Variants in KLHL1 observed in about 807,000 individuals in gnomAD.
KLHL1 encodes the protein kelch like family member 1.
Under a neutral mutation model 77.7 loss-of-function variants are expected in KLHL1, and 47 were observed. That is an observed-to-expected ratio of 0.60 (90% CI 0.48 to 0.77). The LOEUF (loss-of-function observed/expected upper bound fraction) is 0.77. KLHL1 is among the 30% of genes least tolerant of loss of function. KLHL1 has a pLI of 0.00. For synonymous variants in KLHL1, 360 were observed against 325.2 expected, an observed-to-expected ratio of 1.11 and a Z score of -1.15; for missense variants, 925 against 910.8, an observed-to-expected ratio of 1.02 and a Z score of -0.20.
At chr13:69,837,701 T>TATAC (rs1879082894) in intron 6 of KLHL1, among the ~76,000 whole-genome samples, 1 of 146,734 alleles carries the variant, frequency 6.8e-6, no homozygotes, top group African/African-American at 2.5e-5. Context: ...CATATATATA[T>TATAC]AGATCTCATA....
intron 7 of KLHL1, among the ~76,000 whole-genome samples, chr13:69,766,990 T>C (rs574488278): frequency 1.6e-3 from 238 of 152,360 alleles, no homozygotes; most frequent in African/African-American, 5.5e-3. Context: ...ATGAACAGCA[T>C]AGACAATTTT....
chr13:69,723,454 A>G (rs183930932), intron 8 of KLHL1, among the ~76,000 whole-genome samples: 1 of 152,170 alleles, frequency 6.6e-6, no homozygotes, highest in African/African-American at 2.4e-5. Context: ...TAGAATTATT[A>G]TGTGTCAATA....
At chr13:69,902,767 A>AG (rs1377072087) in intron 4 of KLHL1, among the ~76,000 whole-genome samples, 2 of 75,782 alleles carry the variant, frequency 2.6e-5, no homozygotes, top group African/African-American at 1.0e-4. Context: ...GGGTTGGGGG[A>AG]GGGGGGAGGG....
chr13:69,982,399 C>A (rs1173698817), intron 1 of KLHL1, among the ~76,000 whole-genome samples: 3 of 148,844 alleles, frequency 2.0e-5, no homozygotes, highest in Non-Finnish European at 4.5e-5. Context: ...TTGCACAACT[C>A]CACTCCAGCC....
intron 5 of KLHL1, among the ~76,000 whole-genome samples, chr13:69,866,349 T>C (rs1176659136): frequency 1.3e-5 from 2 of 152,090 alleles, no homozygotes; most frequent in Non-Finnish European, 2.9e-5. Flanking sequence ...GACAAACTCA[T>C]AGAAATTAAA....
chr13:69,732,128 G>A (rs934138209), intron 8 of KLHL1, among the ~76,000 whole-genome samples: 4 of 152,018 alleles, frequency 2.6e-5, no homozygotes, highest in African/African-American at 9.7e-5. Context: ...AGTCTGCATC[G>A]GAGATACAAA....
intron 1 of KLHL1, among the ~76,000 whole-genome samples, chr13:70,074,366 A>T (rs916916232): frequency 6.6e-6 from 1 of 151,978 alleles, no homozygotes; most frequent in Non-Finnish European, 1.5e-5. Context: ...TGGGCTTTTC[A>T]GTTATGACAG....
At chr13:69,996,673 G>A (rs1279245472) in intron 1 of KLHL1, among the ~76,000 whole-genome samples, 1 of 151,976 alleles carries the variant, frequency 6.6e-6, no homozygotes, top group Non-Finnish European at 1.5e-5. Context: ...CATATATTTA[G>A]GAAGAACTTT....
At chr13:69,737,065 G>A (rs1873794530) in intron 8 of KLHL1, among the ~76,000 whole-genome samples, 2 of 152,308 alleles carry the variant, frequency 1.3e-5, no homozygotes, top group South Asian at 2.1e-4. Flanking sequence ...TGGAGTGAAG[G>A]TCCACCAGGA....
At chr13:69,706,233 A>C (rs921715480) in intron 10 of KLHL1, among the ~76,000 whole-genome samples, 3 of 151,834 alleles carry the variant, frequency 2.0e-5, no homozygotes, top group African/African-American at 7.2e-5. Flanking sequence ...AACAAGACTT[A>C]GATCTCTTGA....
intron 1 of KLHL1, among the ~76,000 whole-genome samples, chr13:70,053,903 A>C (rs958041246): frequency 6.6e-6 from 1 of 152,020 alleles, no homozygotes; most frequent in Admixed American, 6.6e-5. Context: ...GCGTCTACCT[A>C]CTTTCTTGCT....
chr13:70,061,642 G>C (rs752619176), intron 1 of KLHL1, among the ~76,000 whole-genome samples: 1 of 152,050 alleles, frequency 6.6e-6, no homozygotes, highest in Non-Finnish European at 1.5e-5. Flanking sequence ...TCCCCACCCT[G>C]TGAATTGGCA....
At chr13:70,095,841 A>T (rs1206214385) in intron 1 of KLHL1, among the ~76,000 whole-genome samples, 1 of 149,834 alleles carries the variant, frequency 6.7e-6, no homozygotes, top group Non-Finnish European at 1.5e-5. Context: ...CCCCCCCACC[A>T]CACTCGCTAA....
intron 10 of KLHL1, among the ~76,000 whole-genome samples, chr13:69,704,028 C>G (rs920092353): frequency 7.9e-5 from 12 of 151,590 alleles, no homozygotes; most frequent in Non-Finnish European, 1.5e-4. Flanking sequence ...TTTTTGGCAA[C>G]TTTCCCAAAG....
chr13:70,035,052 TAAATA>T (rs1347745743), intron 1 of KLHL1, among the ~76,000 whole-genome samples: 4 of 152,236 alleles, frequency 2.6e-5, no homozygotes, highest in South Asian at 2.1e-4. Flanking sequence ...GCATCATAAC[TAAATA>T]AAATAACATT....
intron 7 of KLHL1, among the ~76,000 whole-genome samples, chr13:69,746,804 T>C (rs1205309653): frequency 2.0e-5 from 3 of 151,944 alleles, no homozygotes; most frequent in African/African-American, 4.8e-5. Flanking sequence ...TTACTAATAA[T>C]AGCAAGGAAA....
At chr13:69,957,808 C>T (rs1201505586) in intron 3 of KLHL1, among the ~76,000 whole-genome samples, 1 of 151,576 alleles carries the variant, frequency 6.6e-6, no homozygotes, top group Non-Finnish European at 1.5e-5. Flanking sequence ...GAAGAAAACC[C>T]AATTGAAAGT....
intron 1 of KLHL1, among the ~76,000 whole-genome samples, chr13:70,100,131 A>T (rs530845407): frequency 2.6e-5 from 4 of 152,186 alleles, no homozygotes; most frequent in African/African-American, 9.6e-5. Flanking sequence ...CAACTGGAGA[A>T]GAATTAACCA....
intron 8 of KLHL1, among the ~76,000 whole-genome samples, chr13:69,739,168 G>A (rs1476316535): frequency 5.9e-5 from 9 of 152,280 alleles, no homozygotes; most frequent in African/African-American, 2.2e-4. Flanking sequence ...CATAAGTGAA[G>A]GAGAAATAAA....
Sources: gnomAD v4.1 joint callset for allele counts (sites outside exome capture counted in the v4.1 genomes callset) on GRCh38, gnomAD v4.1.1 for gene constraint, MANE v1.5 for transcripts, NCBI Gene and HGNC (gene_info 2026-07-23, HGNC 2026-07-21) for gene names.